The following FMN1 variants were observed in gnomAD, a reference collection of about 807,000 sequenced individuals.
The protein encoded by FMN1 is formin-1.
FMN1 carries 110 observed loss-of-function variants against 132.4 expected under a neutral mutation model. The ratio of observed to expected loss-of-function variants is 0.83; its 90% CI spans 0.71 to 0.97. FMN1 has a LOEUF of 0.97. Ranked by LOEUF, FMN1 falls within the 50% of genes least tolerant of loss-of-function variation. The pLI is 0.00. For synonymous variants in FMN1, 722 were observed against 651.7 expected (o/e 1.11, Z -1.64); for missense variants, 1,792 against 1,705.3 (o/e 1.05, Z -0.90).
At position 33,028,827 on chromosome 15, in the gene FMN1, T is replaced by G. The variant is rs557207068; in HGVS notation, c.2162-20752A>C. ...CTCAAGGCAAACTCTTGATTAACTCTAATACAGAAACAAAATACTTCTTAA... is the reference window on the plus strand; with the variant it reads ...CTCAAGGCAAACTCTTGATTAACTCGAATACAGAAACAAAATACTTCTTAA... On this transcript the variant is annotated intron_variant, in intron 6 of 20. Transcript: ENST00000616417. Among the ~76,000 whole-genome samples the G allele has an allele frequency of 2.0e-5, 3 of 152,316 alleles. No homozygotes were observed. In the South Asian group the frequency reaches 6.2e-4, roughly 32 times the overall value.
chr15:33,019,137 TTGGTCTGTTTTACAGAGAGC>T (rs1176110038), intron 6 of FMN1, among the ~76,000 whole-genome samples: 1 of 152,102 alleles, frequency 6.6e-6, no homozygotes, highest in African/African-American at 2.4e-5. Flanking sequence ...AGAGAGCTGA[TTGGTCTGTTTTACAGAGAGC>T]TGATTGGTCT....
At chr15:33,029,299 G>C (rs1301205987) in intron 6 of FMN1, among the ~76,000 whole-genome samples, 2 of 152,066 alleles carry the variant, frequency 1.3e-5, no homozygotes, top group Non-Finnish European at 2.9e-5. Context: ...GCAGAGCACA[G>C]GTCTCCTGAC....
chr15:33,124,292 G>A (rs1962844786), intron 4 of FMN1, among the ~76,000 whole-genome samples: 1 of 152,226 alleles, frequency 6.6e-6, no homozygotes, highest in Admixed American at 6.5e-5. Context: ...GAAAAGTTCT[G>A]AGACATAAAA....
chr15:32,957,786 A>G (rs1441139535), intron 9 of FMN1, among the ~76,000 whole-genome samples: 1 of 152,172 alleles, frequency 6.6e-6, no homozygotes, highest in Middle Eastern at 3.2e-3. Flanking sequence ...GTTATTCCCA[A>G]TTTCGTAGAG....
intron 5 of FMN1, among the ~76,000 whole-genome samples, chr15:33,082,018 G>A (rs1490552952): frequency 9.4e-6 from 1 of 105,858 alleles, no homozygotes; most frequent in Non-Finnish European, 1.8e-5. Flanking sequence ...GAAGAGTTCA[G>A]GGGTGTGTGT....
intron 5 of FMN1, among the ~76,000 whole-genome samples, chr15:33,071,714 C>T (rs1373799430): frequency 1.3e-5 from 2 of 152,256 alleles, no homozygotes; most frequent in African/African-American, 2.4e-5. Flanking sequence ...TCTTTTAACA[C>T]GGACTCTTTC....
chr15:32,827,399 A>C (rs2058393154), intron 17 of FMN1, among the ~76,000 whole-genome samples: 1 of 152,250 alleles, frequency 6.6e-6, no homozygotes, highest in African/African-American at 2.4e-5. Context: ...ATTCACTTAA[A>C]TAAAACAAAG....
At chr15:33,081,020 G>C (rs921188095) in intron 5 of FMN1, among the ~76,000 whole-genome samples, 2 of 152,136 alleles carry the variant, frequency 1.3e-5, no homozygotes, top group African/African-American at 2.4e-5. Flanking sequence ...CCATTTACCA[G>C]ATGTGGCAAT....
intron 16 of FMN1, among the ~76,000 whole-genome samples, chr15:32,886,344 C>A (rs563374087): frequency 2.0e-5 from 3 of 152,136 alleles, no homozygotes; most frequent in Non-Finnish European, 2.9e-5. Context: ...GTAACTGAGA[C>A]AATGTTCAGT....
intron 6 of FMN1, among the ~76,000 whole-genome samples, chr15:33,038,984 CAG>C (rs2036305694): frequency 6.6e-6 from 1 of 152,176 alleles, no homozygotes. Flanking sequence ...GGCAGATTCA[CAG>C]ACTCCCTCCA....
At chr15:32,882,440 G>A (rs1056847612) in intron 16 of FMN1, among the ~76,000 whole-genome samples, 2 of 152,198 alleles carry the variant, frequency 1.3e-5, no homozygotes, top group African/African-American at 4.8e-5. Flanking sequence ...GGTAAGTGTT[G>A]TCATTAGTGA....
At chr15:32,952,919 C>T (rs146156926) in intron 9 of FMN1, among the ~76,000 whole-genome samples, 58 of 152,274 alleles carry the variant, frequency 3.8e-4, no homozygotes, top group Non-Finnish European at 7.2e-4. Flanking sequence ...TGTGGGTCAA[C>T]GTAGAGTCTC....
intron 4 of FMN1, chr15:33,150,843 C>T (rs1964411123): frequency 1.0e-6 from 1 of 989,188 alleles, no homozygotes; most frequent in Non-Finnish European, 1.2e-6. Flanking sequence ...TAATAGCTAA[C>T]CTGGGAGAAA....
chr15:32,825,574 C>T (rs1307805647), intron 17 of FMN1, among the ~76,000 whole-genome samples: 1 of 152,184 alleles, frequency 6.6e-6, no homozygotes, highest in Non-Finnish European at 1.5e-5. Flanking sequence ...CTAAACTTTC[C>T]ACAATTTGTA....
At chr15:32,938,823 T>C (rs912743299) in intron 9 of FMN1, among the ~76,000 whole-genome samples, 6 of 152,254 alleles carry the variant, frequency 3.9e-5, no homozygotes, top group Non-Finnish European at 8.8e-5. Flanking sequence ...TTTTGCATTT[T>C]TAATGATTTT....
chr15:33,062,532 G>A (rs2037533972), intron 6 of FMN1: 1 of 152,350 alleles, frequency 6.6e-6, no homozygotes, highest in Non-Finnish European at 1.5e-5. Context: ...TGAGGCAGGA[G>A]AATGGCGTGA....
intron 4 of FMN1, among the ~76,000 whole-genome samples, chr15:33,101,369 TA>T (rs2141416358): frequency 6.6e-6 from 1 of 152,256 alleles, no homozygotes; most frequent in African/African-American, 2.4e-5. Context: ...TAGGGGTGTC[TA>T]ATCTTTTGGC....
At chr15:32,785,194 G>GTATA (rs1567162778) in intron 19 of FMN1, among the ~76,000 whole-genome samples, 3 of 21,542 alleles carry the variant, frequency 1.4e-4, no homozygotes, top group African/African-American at 2.8e-4. Flanking sequence ...GTGTGTGTGT[G>GTATA]TGTGTGTATA....
At chr15:32,863,936 T>C (rs2059335364) in intron 16 of FMN1, among the ~76,000 whole-genome samples, 1 of 152,256 alleles carries the variant, frequency 6.6e-6, no homozygotes, top group African/African-American at 2.4e-5. Context: ...AAATGCAATG[T>C]AATAAAATAC....
Sources: allele counts gnomAD v4.1 joint callset (sites outside exome capture counted in the v4.1 genomes callset), GRCh38; gene constraint gnomAD v4.1.1; transcripts MANE v1.5; gene names NCBI Gene and HGNC (gene_info 2026-07-23, HGNC 2026-07-21).